GALK2: variants seen among roughly 807,000 people sequenced by gnomAD.
GALK2 encodes galactokinase 2, also known as N-acetylgalactosamine kinase.
GALK2 carries 36 observed loss-of-function variants against 52.4 expected under a neutral mutation model. The observed-to-expected ratio is 0.69, with a 90% confidence interval of 0.53 to 0.91. The LOEUF is 0.91. Ranked by LOEUF, GALK2 falls within the 40% of genes least tolerant of loss-of-function variation. GALK2 has a pLI of 0.00. For missense variants in GALK2, 579 were observed against 559.1 expected, an observed-to-expected ratio of 1.04 and a Z score of -0.36; for synonymous variants, 176 against 199.1, an observed-to-expected ratio of 0.88 and a Z score of 0.98.
intron 8 of GALK2, among the ~76,000 whole-genome samples, chr15:49,304,278 G>A (rs962630351): frequency 2.6e-5 from 4 of 152,202 alleles, no homozygotes; most frequent in Admixed American, 6.5e-5. Context: ...TTTGGTCAAA[G>A]TGATTGTCCT....
chr15:49,222,926 TCTTCA>T, intron 3 of GALK2, among the ~76,000 whole-genome samples: 1 of 152,344 alleles, frequency 6.6e-6, no homozygotes. Flanking sequence ...AATTCCCTTC[TCTTCA>T]ATTCATTGGA....
chr15:49,362,649 GT>G (rs1356517962), intron 3 of GALK2, among the ~76,000 whole-genome samples: 1 of 152,064 alleles, frequency 6.6e-6, no homozygotes, highest in Non-Finnish European at 1.5e-5. Flanking sequence ...GTCAATTTTT[GT>G]TTTTCTTGCA....
At chr15:49,324,400 C>CAAA (rs56869664) in intron 9 of GALK2, among the ~76,000 whole-genome samples, 2 of 93,438 alleles carry the variant, frequency 2.1e-5, no homozygotes, top group Admixed American at 1.2e-4. Flanking sequence ...CATACCCTGT[C>CAAA]AAAAAAAAAA....
At chr15:49,188,252 C>A (rs1265796798) in intron 1 of GALK2, among the ~76,000 whole-genome samples, 1 of 152,138 alleles carries the variant, frequency 6.6e-6, no homozygotes, top group Non-Finnish European at 1.5e-5. Context: ...TGTTTAGGAA[C>A]CTGTTGTGCT....
chr15:49,347,519 A>G lies in GALK2; in HGVS notation c.427-19972A>G, dbSNP rs141118853. 8.3e-3 allele frequency among the ~76,000 whole-genome samples: 1,264 copies of G among 152,268 alleles called. 6 individuals carry two copies. Among genetic ancestry groups the G allele is most frequent in the Non-Finnish European group, 0.014 (962 of 68,020 alleles). ...CCCTCATACTAGTATCAGTGCTGGT[A>G]TGTAACAGGTATTTGGTAAAACAAA... On this transcript the variant is annotated intron_variant, in intron 3 of 3. Transcript: ENST00000558399.
chr15:49,275,326 C>G (rs1371358319), intron 5 of GALK2, among the ~76,000 whole-genome samples: 2 of 152,194 alleles, frequency 1.3e-5, no homozygotes, highest in African/African-American at 4.8e-5. Context: ...GTGGACAGAT[C>G]TGGAGAGGCA....
At chr15:49,207,635 A>G (rs192399093) in intron 2 of GALK2, among the ~76,000 whole-genome samples, 52 of 152,276 alleles carry the variant, frequency 3.4e-4, no homozygotes, top group Non-Finnish European at 6.5e-4. Context: ...TAGTTTACTC[A>G]TGTAAAGGTG....
At chr15:49,350,730 A>G (rs1567124930) in intron 3 of GALK2, among the ~76,000 whole-genome samples, 1 of 152,148 alleles carries the variant, frequency 6.6e-6, no homozygotes, top group East Asian at 1.9e-4. Flanking sequence ...TATAATCCCT[A>G]ACACACAGGA....
In GALK2 at chr15:49,322,881, C is replaced by T. The variant is rs530574460; in HGVS notation, c.1169+3076C>T. Among the ~76,000 whole-genome samples, 90 of 150,346 alleles carry T rather than the reference C, an allele frequency of 6.0e-4. 1 individual carries two copies. Among genetic ancestry groups the T allele is most frequent in the African/African-American group, 1.9e-3 (77 of 40,814 alleles). On this transcript the variant is annotated intron_variant, in intron 9 of 9. Coordinates refer to ENST00000560031, the MANE Select transcript of GALK2 (RefSeq NM_002044.4). ...CTGAGGCGGGAGAATGGCGTGAACC[C>T]GGGAGGCAGAGCTTGCAGTGAGCCG... is the stretch of plus-strand genomic sequence containing the variant.
chr15:49,366,832 A>T (rs2045299263), intron 3 of GALK2: 4 of 542,032 alleles, frequency 7.4e-6, no homozygotes, highest in Non-Finnish European at 1.3e-5. Flanking sequence ...TGCAGCCCAC[A>T]CTCTAATTTA....
intron 3 of GALK2, among the ~76,000 whole-genome samples, chr15:49,339,420 C>A (rs1444809349): frequency 3.3e-5 from 5 of 152,148 alleles, no homozygotes; most frequent in Admixed American, 3.3e-4. Context: ...AGGTCCGCCC[C>A]AGACCCTGTT....
At chr15:49,204,879 G>A (rs952043746) in intron 2 of GALK2, among the ~76,000 whole-genome samples, 4 of 152,034 alleles carry the variant, frequency 2.6e-5, no homozygotes, top group Non-Finnish European at 4.4e-5. Context: ...AGTCCCCGAT[G>A]TCCATTACCT....
chr15:49,323,099 G>A (rs1460603678), intron 9 of GALK2, among the ~76,000 whole-genome samples: 2 of 152,070 alleles, frequency 1.3e-5, no homozygotes, highest in Non-Finnish European at 1.5e-5. Flanking sequence ...CGGTACAAGA[G>A]TAGCAGGTAG....
intron 5 of GALK2, among the ~76,000 whole-genome samples, chr15:49,274,646 A>C (rs1053460774): frequency 2.6e-5 from 4 of 152,242 alleles, no homozygotes; most frequent in African/African-American, 9.6e-5. Context: ...AATTAAAAAA[A>C]ATTTTTGACT....
chr15:49,292,952 G>A (rs1353122741), intron 8 of GALK2, among the ~76,000 whole-genome samples: 2 of 152,168 alleles, frequency 1.3e-5, no homozygotes, highest in Non-Finnish European at 2.9e-5. Flanking sequence ...TAGTGTGGAA[G>A]CTTATTTCTA....
intron 1 of GALK2, among the ~76,000 whole-genome samples, chr15:49,171,352 G>A: frequency 2.6e-5 from 4 of 152,220 alleles, no homozygotes; most frequent in Admixed American, 2.6e-4. Flanking sequence ...AAAGTGCTGG[G>A]ATTACAGACG....
chr15:49,231,986 G>A (rs904437886), intron 3 of GALK2, among the ~76,000 whole-genome samples: 1 of 152,226 alleles, frequency 6.6e-6, no homozygotes, highest in Non-Finnish European at 1.5e-5. Context: ...GAAGACAATG[G>A]CCCTCTTCTC....
At chr15:49,179,393 T>G (rs2085775734) in intron 1 of GALK2, among the ~76,000 whole-genome samples, 1 of 152,152 alleles carries the variant, frequency 6.6e-6, no homozygotes, top group African/African-American at 2.4e-5. Flanking sequence ...ATTAACATTT[T>G]CTATAATGCC....
chr15:49,308,580 TC>T (rs2035737625), intron 8 of GALK2, among the ~76,000 whole-genome samples: 1 of 152,174 alleles, frequency 6.6e-6, no homozygotes, highest in Non-Finnish European at 1.5e-5. Flanking sequence ...TGCTCTGCAT[TC>T]TTCTGTATTT....
Sources: gnomAD v4.1 joint callset for allele counts (sites outside exome capture counted in the v4.1 genomes callset) on GRCh38, gnomAD v4.1.1 for gene constraint, MANE v1.5 for transcripts, NCBI Gene and HGNC (gene_info 2026-07-23, HGNC 2026-07-21) for gene names.